Variants in SAMD4B observed in about 807,000 individuals in gnomAD.
The protein encoded by SAMD4B is sterile alpha motif domain containing 4B.
A neutral mutation model predicts 74.5 loss-of-function variants in SAMD4B; 5 were observed. The observed-to-expected ratio is 0.07, with a 90% CI of 0.04 to 0.14. The LOEUF (loss-of-function observed/expected upper bound fraction) is 0.14, where lower values mean the gene tolerates loss of function less well. SAMD4B is among the 10% of genes least tolerant of loss of function. The pLI is 1.00. For synonymous variants in SAMD4B, 373 were observed against 374.9 expected (o/e 1.00, Z 0.06); for missense variants, 608 against 921.8 (o/e 0.66, Z 4.41).
chr19:39,389,556 A>T (rs750556137), downstream of SAMD4B: 1 of 1,614,058 alleles, frequency 6.2e-7, no homozygotes, highest in Non-Finnish European at 8.5e-7. The surrounding 1 kb of genome is among the most constrained non-coding windows in gnomAD (Gnocchi z 5.3). Context: ...ACTAGAGGAG[A>T]GCGGGGGGCA....
downstream of SAMD4B, chr19:39,390,275 C>T (rs1233362615): frequency 1.9e-6 from 3 of 1,613,128 alleles, no homozygotes; most frequent in African/African-American, 2.7e-5. Context: ...AGGCAGAGTC[C>T]GGTGGGAATT....
In SAMD4B at chr19:39,383,869, C is replaced by A; in HGVS notation, c.*342C>A. The A allele has an allele frequency of 1.5e-6, 1 of 676,998 alleles. No homozygotes were observed. The highest frequency in any genetic ancestry group is 2.5e-6 in the Non-Finnish European group (1 of 402,126). 41.9% of individuals were successfully genotyped at this position (676,998 alleles called of 1,614,324 possible). On this transcript the variant is annotated 3_prime_UTR_variant, in exon 14 of 14. Transcript: ENST00000610417. This position sits in a 1 kb window ranked among gnomAD's most constrained non-coding sequence, Gnocchi z 4.1. ...CAGACCGCTGACCACCTGCCTCTCC[C>A]CAAGGGAGCAGACTCCCCAGAGACA...
Position 39,383,462 on chromosome 19 carries a change from T to C in SAMD4B, c.2057-37T>C. The C allele has an allele frequency of 2.5e-6, 4 of 1,610,400 alleles. No homozygotes were observed. The highest frequency in any genetic ancestry group is 3.4e-6 in the Non-Finnish European group (4 of 1,176,656). ...GCCTTTTCTTGGGCCTCCCTCCAGC[T>C]CCTGATCTTCCTCCCTTCCTCCCTT... On this transcript the variant is annotated intron_variant, in intron 13 of 13. Transcript: ENST00000610417. This position sits in a 1 kb window ranked among gnomAD's most constrained non-coding sequence, Gnocchi z 4.1.
intron 3 of SAMD4B, among the ~76,000 whole-genome samples, chr19:39,365,242 T>TAA (rs57136164): frequency 2.1e-4 from 19 of 90,868 alleles, no homozygotes; most frequent in Admixed American, 2.6e-4. Context: ...CGAGACTCCG[T>TAA]AAAAAAAAAA....
chr19:39,345,295 T>C (rs865910479), intron 1 of SAMD4B, among the ~76,000 whole-genome samples: 1 of 152,174 alleles, frequency 6.6e-6, no homozygotes, highest in African/African-American at 2.4e-5. Flanking sequence ...TCCAGAAAGA[T>C]TTCTTACCTA....
intron 12 of SAMD4B, among the ~76,000 whole-genome samples, chr19:39,382,541 T>G (rs904825011): frequency 2.1e-4 from 32 of 151,990 alleles, no homozygotes; most frequent in Admixed American, 2.0e-4. Context: ...GGGAGCTGGG[T>G]CGTCTAAATC....
downstream of SAMD4B, chr19:39,386,752 G>A: frequency 6.2e-7 from 1 of 1,614,132 alleles, no homozygotes; most frequent in South Asian, 1.1e-5. The surrounding 1 kb of genome is among the most constrained non-coding windows in gnomAD (Gnocchi z 6.1). Flanking sequence ...CAGGGCGTTG[G>A]TGCCTGACTG....
At chr19:39,360,945 A>G (rs1485529763) in intron 3 of SAMD4B, among the ~76,000 whole-genome samples, 1 of 152,042 alleles carries the variant, frequency 6.6e-6, no homozygotes, top group Non-Finnish European at 1.5e-5. Context: ...GCCCTGCTGG[A>G]TGATTCATTT....
chr19:39,345,218 C>A (rs1304671024), intron 1 of SAMD4B, among the ~76,000 whole-genome samples: 3 of 152,126 alleles, frequency 2.0e-5, no homozygotes, highest in Non-Finnish European at 1.5e-5. Flanking sequence ...CAGGGTATGC[C>A]TCTGTGCCCT....
intron 3 of SAMD4B, among the ~76,000 whole-genome samples, chr19:39,361,956 G>A (rs2076683277): frequency 6.6e-6 from 1 of 152,118 alleles, no homozygotes; most frequent in Middle Eastern, 3.2e-3. Flanking sequence ...CTGTCTCCAA[G>A]CCCTTCTTTA....
chr19:39,374,605 G>C (rs933391356), intron 4 of SAMD4B, among the ~76,000 whole-genome samples: 1 of 152,208 alleles, frequency 6.6e-6, no homozygotes, highest in African/African-American at 2.4e-5. Flanking sequence ...ACTTTAGGAG[G>C]CTGAGGTGGG....
chr19:39,386,562 T>G (rs990816879), downstream of SAMD4B: 1 of 1,614,126 alleles, frequency 6.2e-7, no homozygotes, highest in Non-Finnish European at 8.5e-7. The surrounding 1 kb of genome is among the most constrained non-coding windows in gnomAD (Gnocchi z 6.1). Flanking sequence ...TAGCTGGGCC[T>G]TCCGTGCCTC....
chr19:39,383,414 C>G lies in SAMD4B; in HGVS notation c.2057-85C>G. On this transcript the variant is annotated intron_variant, in intron 13 of 13. Coordinates refer to ENST00000610417, the MANE Select transcript of SAMD4B (RefSeq NM_001384574.2). The surrounding 1 kb of genome is among the most constrained non-coding windows in gnomAD (Gnocchi z 4.1). ...AGGCCAGACTCCAGGGAGGGCCTGA[C>G]TGGGATGACAGGCTACCTGAGTGCC... 6.4e-7 allele frequency: 1 copy of G among 1,572,846 alleles called. No individual in the cohort carries two copies. Among genetic ancestry groups the G allele is most frequent in the African/African-American group, 1.3e-5 (1 of 74,208 alleles).
chr19:39,356,036 G>A (rs578235108), intron 2 of SAMD4B, among the ~76,000 whole-genome samples: 46 of 152,312 alleles, frequency 3.0e-4, no homozygotes, highest in African/African-American at 1.1e-3. Context: ...GATTCCCTCA[G>A]CCTGTTGGTG....
At chr19:39,390,204 C>G, downstream of SAMD4B, 1 of 1,612,802 alleles carries the variant, frequency 6.2e-7, no homozygotes, top group Non-Finnish European at 8.5e-7. Flanking sequence ...CGCTGCCCCA[C>G]CTCTGCTCCC....
chr19:39,369,469 T>C (rs1451992717), intron 3 of SAMD4B, 186 bp from the exon 4 acceptor site: 1 of 598,806 alleles, frequency 1.7e-6, no homozygotes, highest in Non-Finnish European at 2.9e-6. Flanking sequence ...AAGACAAAAA[T>C]TACTCCAGAG....
intron 1 of SAMD4B, among the ~76,000 whole-genome samples, chr19:39,352,997 C>T (rs1234825684): frequency 6.6e-6 from 1 of 152,182 alleles, no homozygotes; most frequent in African/African-American, 2.4e-5. Context: ...GATGTTCATC[C>T]AGCCTCCGCT....
chr19:39,352,894 A>G (rs926743056), intron 1 of SAMD4B, among the ~76,000 whole-genome samples: 1 of 151,980 alleles, frequency 6.6e-6, no homozygotes, highest in African/African-American at 2.4e-5. Flanking sequence ...GGTATATCAA[A>G]CCTCCTGTCA....
chr19:39,386,720 T>C (rs1267303867), downstream of SAMD4B: 8 of 1,613,874 alleles, frequency 5.0e-6, no homozygotes, highest in African/African-American at 1.3e-5. This position sits in a 1 kb window ranked among gnomAD's most constrained non-coding sequence, Gnocchi z 6.1. Flanking sequence ...TTCTCATTCA[T>C]GTCCCGATGT....
Sources: gnomAD v4.1 joint callset for allele counts (sites outside exome capture counted in the v4.1 genomes callset) on GRCh38, gnomAD v4.1.1 for gene constraint, Gnocchi (gnomAD v3.1) non-coding constraint, MANE v1.5 for transcripts, NCBI Gene and HGNC (gene_info 2026-07-23, HGNC 2026-07-21) for gene names.